The following PPP1R21 variants were observed in gnomAD, a reference collection of about 807,000 sequenced individuals.
PPP1R21 encodes the protein KLRAQ motif containing 1.
In PPP1R21, 85 loss-of-function variants were observed where a neutral mutation model predicts 112.8. The observed-to-expected ratio is 0.75, with a 90% CI of 0.63 to 0.90. The LOEUF (loss-of-function observed/expected upper bound fraction) is 0.90. Ranked by LOEUF, PPP1R21 falls within the 40% of genes least tolerant of loss-of-function variation. The probability of loss-of-function intolerance (pLI) is 0.00; values close to 1 mark genes in which losing one functional copy is unlikely to be tolerated. For missense variants in PPP1R21, 1,199 were observed against 901.5 expected (o/e 1.33, Z -4.23); for synonymous variants, 381 against 322.3 (o/e 1.18, Z -1.95).
intron 13 of PPP1R21, among the ~76,000 whole-genome samples, chr2:48,482,601 A>AGATTCT (rs950211281): frequency 6.6e-6 from 1 of 151,860 alleles, no homozygotes; most frequent in African/African-American, 2.4e-5. Context: ...ATTCAGGGTC[A>AGATTCT]GCCAGAAGTT....
At chr2:48,464,627 G>A (rs1668119881) in intron 7 of PPP1R21, among the ~76,000 whole-genome samples, 1 of 152,170 alleles carries the variant, frequency 6.6e-6, no homozygotes, top group Admixed American at 6.5e-5. Context: ...ACTGAAAACA[G>A]CAAGAACGTC....
chr2:48,471,303 T>G lies in PPP1R21; in HGVS notation c.1024T>G (p.Phe342Val). 1 of 1,611,926 alleles carries G rather than the reference T, an allele frequency of 6.2e-7. No homozygotes were observed. Among genetic ancestry groups the G allele is most frequent in the Non-Finnish European group, 8.5e-7 (1 of 1,179,204 alleles). Residue 342 changes from phenylalanine (F) to valine (V), a missense_variant, in exon 11 of 22, where the codon TTT (phenylalanine) becomes GTT (valine). Transcript: ENST00000294952. ...VLETTVKLKTFSEHLTSYICF... is the reference protein window; with the variant it reads ...VLETTVKLKTVSEHLTSYICF... ...GGAGACAACTGTGAAATTGAAAACT[T>G]TTTCAGAACACTTAACCTCCTACAT...
In PPP1R21 at chr2:48,495,712, C is replaced by G; in HGVS notation, c.1633C>G (p.Leu545Val). 6.2e-7 allele frequency: 1 copy of G among 1,612,502 alleles called. No homozygotes were observed. Among genetic ancestry groups the G allele is most frequent in the Non-Finnish European group, 8.5e-7 (1 of 1,178,506 alleles). Reference sequence around the variant, plus strand: ...GGAGTCTGTGCCTTATGAAGAAGCACTGGCAAACCGCCGCATCCTTCTCAG... The same window carrying G: ...GGAGTCTGTGCCTTATGAAGAAGCAGTGGCAAACCGCCGCATCCTTCTCAG... ...LLESVPYEEALANRRILLSST... is the reference protein window; with the variant it reads ...LLESVPYEEAVANRRILLSST... The change falls in exon 16 of 22, where the codon CTG (leucine) becomes GTG (valine). Residue 545 changes from leucine (L) to valine (V), a missense_variant. Leu to Val is a conservative substitution (Grantham distance 32). Coordinates refer to ENST00000294952, the MANE Select transcript of PPP1R21 (RefSeq NM_001135629.3).
chr2:48,482,334 G>T lies in PPP1R21; in HGVS notation c.1318+2318G>T, dbSNP rs146590686. On this transcript the variant is annotated intron_variant, in intron 13 of 21. Transcript: ENST00000294952. ...TGTTGGTATAGGGTGATTTATTGGG[G>T]TATCTTATAGACAGAAGAATGGTCT... Among the ~76,000 whole-genome samples the T allele has an allele frequency of 6.3e-3, 956 of 152,288 alleles. 5 individuals are homozygous for T. The highest frequency in any genetic ancestry group is 0.044 in the Middle Eastern group (13 of 294).
intron 4 of PPP1R21, among the ~76,000 whole-genome samples, chr2:48,459,202 G>A (rs1667869226): frequency 6.7e-6 from 1 of 149,338 alleles, no homozygotes; most frequent in Non-Finnish European, 1.5e-5. Flanking sequence ...CACACAAACA[G>A]ACACGCTTTT....
chr2:48,458,017 G>A (rs1667799627), intron 3 of PPP1R21, 109 bp from the exon 4 acceptor site: 1 of 756,942 alleles, frequency 1.3e-6, no homozygotes, highest in African/African-American at 1.7e-5. Flanking sequence ...TTTGAGAATG[G>A]TGAACACATA....
chr2:48,441,720 C>A (rs1198269214), intron 1 of PPP1R21, among the ~76,000 whole-genome samples: 1 of 152,154 alleles, frequency 6.6e-6, no homozygotes, highest in Non-Finnish European at 1.5e-5. Context: ...ATGATATAAC[C>A]CTTTCCTTGG....
rs1316039122 is a variant in PPP1R21, at chr2:48,511,365, G to A, written c.2210G>A (p.Ser737Asn). 3 of 1,613,930 alleles carry A rather than the reference G, an allele frequency of 1.9e-6. No individual in the cohort carries two copies. In the Admixed American group the frequency reaches 5.0e-5, roughly 27 times the overall value. ...LQDELTTTKRSYEDQLSMMSD... is the reference protein window; with the variant it reads ...LQDELTTTKRNYEDQLSMMSD... ...GATGAGCTGACAACTACCAAGAGGA[G>A]TTACGAGGATCAGTTAAGTATGATG... The change falls in exon 21 of 22, where the codon AGT (serine) becomes AAT (asparagine). Residue 737 changes from serine to asparagine, a missense_variant. Transcript: ENST00000294952.
intron 12 of PPP1R21, among the ~76,000 whole-genome samples, chr2:48,477,894 G>C (rs1381773780): frequency 6.6e-6 from 1 of 152,136 alleles, no homozygotes; most frequent in African/African-American, 2.4e-5. Context: ...GATCTCCTGT[G>C]GAGATGGGAT....
At chr2:48,441,239 T>A in intron 1 of PPP1R21, 1 of 584,982 alleles carries the variant, frequency 1.7e-6, no homozygotes, top group Non-Finnish European at 3.1e-6. Flanking sequence ...GAAGCTGGAG[T>A]TTGATTCTTC....
intron 14 of PPP1R21, among the ~76,000 whole-genome samples, chr2:48,489,881 T>A (rs4953582): frequency 0.95 from 145,072 of 152,014 alleles, 69,506 homozygotes; most frequent in Middle Eastern, 0.99. Context: ...CCGTCTCTAC[T>A]AAAAGTACAA....
intron 1 of PPP1R21, among the ~76,000 whole-genome samples, chr2:48,442,552 G>C (rs1572819314): frequency 6.6e-6 from 1 of 152,300 alleles, no homozygotes; most frequent in East Asian, 1.9e-4. Context: ...TGTTGAGTGA[G>C]GCAGGGTTCA....
intron 6 of PPP1R21, among the ~76,000 whole-genome samples, chr2:48,460,478 A>G (rs928843687): frequency 6.6e-6 from 1 of 152,204 alleles, no homozygotes; most frequent in African/African-American, 2.4e-5. Flanking sequence ...AAAACTGATA[A>G]TCACCATGCC....
At chr2:48,484,320 A>G (rs1463058879) in intron 13 of PPP1R21, among the ~76,000 whole-genome samples, 1 of 152,126 alleles carries the variant, frequency 6.6e-6, no homozygotes, top group East Asian at 1.9e-4. Context: ...AGCCCTTTCA[A>G]GGAGCATATT....
chr2:48,453,066 G>T (rs530493377), intron 2 of PPP1R21, among the ~76,000 whole-genome samples: 3 of 150,978 alleles, frequency 2.0e-5, no homozygotes, highest in Non-Finnish European at 4.4e-5. Flanking sequence ...TGATTCTTGT[G>T]CTTCAGCCTC....
intron 16 of PPP1R21, among the ~76,000 whole-genome samples, chr2:48,496,759 G>A (rs1669862325): frequency 6.6e-6 from 1 of 152,186 alleles, no homozygotes; most frequent in Admixed American, 6.5e-5. Flanking sequence ...GAGCCATTGC[G>A]CCCAGTGGAG....
At chr2:48,441,997 A>G (rs1394679918) in intron 1 of PPP1R21, among the ~76,000 whole-genome samples, 1 of 152,250 alleles carries the variant, frequency 6.6e-6, no homozygotes, top group Non-Finnish European at 1.5e-5. Context: ...GTGCCTAAAC[A>G]TACACACTTA....
chr2:48,459,176 G>T (rs991188741), intron 4 of PPP1R21, among the ~76,000 whole-genome samples: 3 of 142,436 alleles, frequency 2.1e-5, no homozygotes, highest in African/African-American at 7.6e-5. Flanking sequence ...CAAATGGTAG[G>T]AAACACACAC....
At chr2:48,471,420 C>G (rs767696525) in intron 11 of PPP1R21, 53 bp downstream of exon 11, 1 of 1,513,428 alleles carries the variant, frequency 6.6e-7, no homozygotes, top group South Asian at 1.3e-5. Flanking sequence ...GTAACCTGAT[C>G]TGGCTGGCGT....
Sources: allele counts gnomAD v4.1 joint callset (sites outside exome capture counted in the v4.1 genomes callset), GRCh38; gene constraint gnomAD v4.1.1; transcripts MANE v1.5; gene names NCBI Gene and HGNC (gene_info 2026-07-23, HGNC 2026-07-21).